Variants in RASSF7 observed in about 807,000 individuals in gnomAD.
RASSF7 encodes ras association domain-containing protein 7.
A neutral mutation model predicts 33.8 loss-of-function variants in RASSF7; 41 were observed. That is an observed-to-expected ratio of 1.21 (90% CI 0.95 to 1.57). The LOEUF (loss-of-function observed/expected upper bound fraction) is 1.57. RASSF7 is among the 40% of genes most tolerant of loss of function. RASSF7 has a pLI of 0.00. For missense variants in RASSF7, 622 were observed against 497.0 expected (o/e 1.25, Z -2.39); for synonymous variants, 298 against 212.8 (o/e 1.40, Z -3.48).
rs1194305940 is a variant in RASSF7 at position 560,973 on chromosome 11, G to A, written c.-512G>A. On this transcript the variant is annotated 5_prime_UTR_variant, in exon 1 of 6. Transcript: ENST00000397583. ...GGGCGCGGGGCCCGGGTGCGCCGCG[G>A]CGCTGGGGGCGGCAGGTTGCGGCGG... The A allele has an allele frequency of 4.1e-5, 45 of 1,099,638 alleles. No homozygotes were observed. Among genetic ancestry groups the A allele is most frequent in the Admixed American group, 5.2e-5 (1 of 19,358 alleles). The allele number at this position is 1,099,638 out of a possible 1,614,324, so 68.1% of individuals were successfully genotyped here.
chr11:562,143 A>G lies in RASSF7; in HGVS notation c.189A>G (p.Gln63=), dbSNP rs1853355049. ...LREKERQLLP[Q]ECPVGAQATC... ...AGAAGGAGCGGCAGTTGCTGCCACAAGAGTGTCCAGTGGGCGCCCAGGCCA... is the reference window on the plus strand; with the variant it reads ...AGAAGGAGCGGCAGTTGCTGCCACAGGAGTGTCCAGTGGGCGCCCAGGCCA... The change falls in exon 3 of 6, where the codon CAA becomes CAG. Residue 63 remains glutamine, a synonymous_variant. Coordinates refer to ENST00000397583, the MANE Select transcript of RASSF7 (RefSeq NM_003475.4). 3 of 1,555,548 alleles carry G rather than the reference A, an allele frequency of 1.9e-6. No homozygotes were observed. Among genetic ancestry groups the G allele is most frequent in the Admixed American group, 1.9e-5 (1 of 52,970 alleles).
In RASSF7 at chr11:563,771, G is replaced by A. The variant is rs1410789307; in HGVS notation, c.*126G>A. 3 of 902,734 alleles carry A rather than the reference G, an allele frequency of 3.3e-6. No homozygotes were observed. In the African/African-American group the frequency reaches 5.0e-5, roughly 15 times the overall value. The allele number at this position is 902,734 out of a possible 1,614,324, so 55.9% of individuals were successfully genotyped here. ...GGCCTCAGGAGCTGGGGGTGCAGTGGGGGACTGCCCTAGTCCTTGCCAGGT... is the reference window on the plus strand; with the variant it reads ...GGCCTCAGGAGCTGGGGGTGCAGTGAGGGACTGCCCTAGTCCTTGCCAGGT... On this transcript the variant is annotated 3_prime_UTR_variant, in exon 6 of 6. Coordinates refer to ENST00000397583, the MANE Select transcript of RASSF7 (RefSeq NM_003475.4).
Position 563,703 on chromosome 11 carries a change from T to C in RASSF7, c.*58T>C, listed in dbSNP as rs897363633. On this transcript the variant is annotated 3_prime_UTR_variant, in exon 6 of 6. Coordinates refer to ENST00000397583, the MANE Select transcript of RASSF7 (RefSeq NM_003475.4). ...CGGACCACAGAAGGAGAGTTGGCGG[T>C]CACAGAGGGCTCCTCTGCCAGGCAG... The C allele has an allele frequency of 2.3e-5, 34 of 1,469,724 alleles. No individual in the cohort carries two copies. The highest frequency in any genetic ancestry group is 2.9e-5 in the Non-Finnish European group (31 of 1,083,202). The allele number at this position is 1,469,724 out of a possible 1,614,324, so 91.0% of individuals were successfully genotyped here.
chr11:563,439 CCTCT>C lies in RASSF7; in HGVS notation c.996_999del (p.Glu334ProfsTer21), dbSNP rs758751905. On this transcript the variant is annotated frameshift_variant, in exon 5 of 6. Transcript: ENST00000397583. LOFTEE classifies it high-confidence loss of function. ...AGAGAGGAGTCCCTCCTGGGCGCTC[CCTCT>C]GAGTCCCATGCTGGTGCCCAGCCTA... 70 of 1,611,648 alleles carry C rather than the reference CCTCT, an allele frequency of 4.3e-5. No homozygotes were observed. Among genetic ancestry groups the C allele is most frequent in the Non-Finnish European group, 5.8e-5 (68 of 1,179,570 alleles).
rs1853445068 is a variant in RASSF7 at position 563,674 on chromosome 11, T to G, written c.*29T>G. ...CCTAGTGAGGGCTGCAAGACCATCC[T>G]GCCCGGACCACAGAAGGAGAGTTGG... On this transcript the variant is annotated 3_prime_UTR_variant, in exon 6 of 6. Transcript: ENST00000397583. The G allele has an allele frequency of 1.9e-6, 3 of 1,571,786 alleles. No individual in the cohort carries two copies. In the East Asian group the frequency reaches 6.8e-5, roughly 36 times the overall value.
chr11:561,202 T>TG lies in RASSF7; in HGVS notation c.-279dup. ...GGGGACGCCCTGGCTCCCGCCAGGC[T>TG]GGGGTCGCGGCGCGGGCTTCGGTGC... On this transcript the variant is annotated 5_prime_UTR_variant, in exon 1 of 6. It removes the in-frame stop codon of an upstream open reading frame in the 5' UTR. Coordinates refer to ENST00000397583, the MANE Select transcript of RASSF7 (RefSeq NM_003475.4). The TG allele has an allele frequency of 1.0e-6, 1 of 984,702 alleles. No homozygotes were observed. The highest frequency in any genetic ancestry group is 1.8e-5 in the African/African-American group (1 of 57,140). The allele number at this position is 984,702 out of a possible 1,614,324, so 61.0% of individuals were successfully genotyped here.
intron 2 of RASSF7, 84 bp from the exon 3 acceptor site, chr11:561,995 A>T (rs1853345225): frequency 6.5e-7 from 1 of 1,545,620 alleles, no homozygotes; most frequent in Admixed American, 1.9e-5. Flanking sequence ...CTGGTTGCTG[A>T]TCCTTTTTGT....
Position 561,193 on chromosome 11 carries a change from C to T in RASSF7, c.-292C>T, listed in dbSNP as rs1219368226. The T allele has an allele frequency of 4.1e-6, 4 of 984,952 alleles. No homozygotes were observed. In the South Asian group the frequency reaches 1.4e-4, roughly 35 times the overall value. The allele number at this position is 984,952 out of a possible 1,614,324, so 61.0% of individuals were successfully genotyped here. On this transcript the variant is annotated 5_prime_UTR_variant, in exon 1 of 6. Coordinates refer to ENST00000397583, the MANE Select transcript of RASSF7 (RefSeq NM_003475.4). ...CTGCGGAACGGGGACGCCCTGGCTC[C>T]CGCCAGGCTGGGGTCGCGGCGCGGG...
chr11:563,205 T>TA lies in RASSF7; in HGVS notation c.839_840insA (p.Glu281GlyfsTer30). On this transcript the variant is annotated frameshift_variant, in exon 4 of 6. Transcript: ENST00000397583. LOFTEE classifies it high-confidence loss of function. ...TGTCCCCAGGCTCAGGCTCAGGAGC[T>TA]GGAGGAGCTGAACCGAGAGCTCCGT... The TA allele has an allele frequency of 6.3e-7, 1 of 1,586,222 alleles. No individual in the cohort carries two copies. The highest frequency in any genetic ancestry group is 8.6e-7 in the Non-Finnish European group (1 of 1,162,282).
rs1190828065 is a variant in RASSF7, at chr11:561,419, G to A, written c.-66G>A. Reference sequence around the variant, plus strand: ...GGCGTTCCCATGCCGGCGGCCGCGGGGCCTGGCGTGCGGGCGCCTCCGCGC... The same window carrying A: ...GGCGTTCCCATGCCGGCGGCCGCGGAGCCTGGCGTGCGGGCGCCTCCGCGC... On this transcript the variant is annotated 5_prime_UTR_variant, in exon 1 of 6. Coordinates refer to ENST00000397583, the MANE Select transcript of RASSF7 (RefSeq NM_003475.4). 8.1e-5 allele frequency: 93 copies of A among 1,142,740 alleles called. No individual in the cohort carries two copies. Among genetic ancestry groups the A allele is most frequent in the Non-Finnish European group, 9.6e-5 (89 of 926,004 alleles). 70.8% of individuals were successfully genotyped at this position (1,142,740 alleles called of 1,614,324 possible).
chr11:561,356 A>G lies in RASSF7; in HGVS notation c.-129A>G. Reference sequence around the variant, plus strand: ...CTGCAGGGTCGAGGTCTGGGTTGCGACCCCGAGCGCCTCTGCGGCCTGAGC... The same window carrying G: ...CTGCAGGGTCGAGGTCTGGGTTGCGGCCCCGAGCGCCTCTGCGGCCTGAGC... On this transcript the variant is annotated 5_prime_UTR_variant, in exon 1 of 6. Coordinates refer to ENST00000397583, the MANE Select transcript of RASSF7 (RefSeq NM_003475.4). The G allele has an allele frequency of 9.8e-7, 1 of 1,025,184 alleles. No individual in the cohort carries two copies. Among genetic ancestry groups the G allele is most frequent in the Non-Finnish European group, 1.2e-6 (1 of 856,864 alleles). The allele number at this position is 1,025,184 out of a possible 1,614,324, so 63.5% of individuals were successfully genotyped here. A position where few individuals can be genotyped will look rare whatever the true frequency, so the allele number is the denominator to read the frequency against.
At position 563,839 on chromosome 11, in the gene RASSF7, C is replaced by A; in HGVS notation, c.*194C>A. ...AGCATGGGGCGTAGCCAGCTCGGAA[C>A]TTGCCAGGCCCCAAAGGCCACGACT... On this transcript the variant is annotated 3_prime_UTR_variant, in exon 6 of 6. Transcript: ENST00000397583. 1.6e-6 allele frequency: 1 copy of A among 606,080 alleles called. No homozygotes were observed. The highest frequency in any genetic ancestry group is 2.8e-5 in the East Asian group (1 of 35,986). The allele number at this position is 606,080 out of a possible 1,614,324, so 37.5% of individuals were successfully genotyped here. A position where few individuals can be genotyped will look rare whatever the true frequency, so the allele number is the denominator to read the frequency against.
At position 561,451 on chromosome 11, in the gene RASSF7, G is replaced by A. The variant is rs1853296596; in HGVS notation, c.-34G>A. 1 of 1,189,546 alleles carries A rather than the reference G, an allele frequency of 8.4e-7. No individual in the cohort carries two copies. The highest frequency in any genetic ancestry group is 4.5e-5 in the East Asian group (1 of 22,250). 73.7% of individuals were successfully genotyped at this position (1,189,546 alleles called of 1,614,324 possible). A position where few individuals can be genotyped will look rare whatever the true frequency, so the allele number is the denominator to read the frequency against. On this transcript the variant is annotated 5_prime_UTR_variant, in exon 1 of 6. Transcript: ENST00000397583. The stretch of plus-strand genomic sequence containing the variant: ...CGTGCGGGCGCCTCCGCGCCGCCCG[G>A]GGAGGGGGCAGTGTCCTCCGAGCCA...
rs1401148025 is a variant in RASSF7 at position 563,659 on chromosome 11, G to A, written c.*14G>A. The A allele has an allele frequency of 1.3e-6, 2 of 1,599,596 alleles. No individual in the cohort carries two copies. Among genetic ancestry groups the A allele is most frequent in the African/African-American group, 2.7e-5 (2 of 74,794 alleles). On this transcript the variant is annotated 3_prime_UTR_variant, in exon 6 of 6. Transcript: ENST00000397583. ...CAGGCTCTGTGACAGCCTAGTGAGGGCTGCAAGACCATCCTGCCCGGACCA... is the reference window on the plus strand; with the variant it reads ...CAGGCTCTGTGACAGCCTAGTGAGGACTGCAAGACCATCCTGCCCGGACCA...
Position 562,776 on chromosome 11 carries a change from G to T in RASSF7, c.822G>T (p.Gln274His). ...TGGAGGCAGCAGAGCGAGCCTTGCA[G>T]GTGAGCCCGGGGACCTGATCCCCTG... Reference protein sequence around the residue: ...RALEAAERALQAQAQELEELN... With the variant: ...RALEAAERALHAQAQELEELN... Residue 274 changes from glutamine to histidine, a missense_variant and splice_region_variant, in exon 3 of 6, where the codon CAG becomes CAT. By Grantham distance (24) the Gln-to-His change is conservative. Transcript: ENST00000397583. 1 of 1,487,436 alleles carries T rather than the reference G, an allele frequency of 6.7e-7. No homozygotes were observed. Among genetic ancestry groups the T allele is most frequent in the South Asian group, 1.3e-5 (1 of 76,842 alleles). 92.1% of individuals were successfully genotyped at this position (1,487,436 alleles called of 1,614,324 possible).
rs771302601 is a variant in RASSF7 at position 562,307 on chromosome 11, C to T, written c.353C>T (p.Ala118Val). The T allele has an allele frequency of 8.7e-6, 14 of 1,612,132 alleles. No homozygotes were observed. The Middle Eastern group carries it at 6.6e-4, about 76-fold the overall frequency. ...GCCAGCCTCCCTGTAAAGCCACGGG[C>T]TGCGCTGGGCTGTGAGCCCCGCAAA... ...IRASLPVKPRAALGCEPRKTL... is the reference protein window; with the variant it reads ...IRASLPVKPRVALGCEPRKTL... The change falls in exon 3 of 6, where the codon GCT becomes GTT. Residue 118 changes from alanine to valine, a missense_variant. Transcript: ENST00000397583.
intron 1 of RASSF7, 117 bp from the exon 2 acceptor site, chr11:561,645 G>C: frequency 6.7e-7 from 1 of 1,488,206 alleles, no homozygotes; most frequent in South Asian, 1.3e-5. Context: ...GGTGGGGCCC[G>C]TGCGGAGGGG....
chr11:563,434 C>T lies in RASSF7; in HGVS notation c.990C>T (p.Gly330=), dbSNP rs773922575. The T allele has an allele frequency of 6.6e-5, 107 of 1,611,710 alleles. No homozygotes were observed. Among genetic ancestry groups the T allele is most frequent in the Admixed American group, 1.2e-4 (7 of 59,928 alleles). Residue 330 remains glycine (G), a synonymous_variant, in exon 5 of 6, where the codon GGC becomes GGT. Transcript: ENST00000397583. ...CAGCCAGAGAGGAGTCCCTCCTGGG[C>T]GCTCCCTCTGAGTCCCATGCTGGTG... The part of the protein sequence containing the change: ...LPPAREESLL[G]APSESHAGAQ...
rs1473991241 is a variant in RASSF7 at position 563,636 on chromosome 11, G to A, written c.1113G>A (p.Gln371=). 1.2e-6 allele frequency: 2 copies of A among 1,610,064 alleles called. No homozygotes were observed. Among genetic ancestry groups the A allele is most frequent in the Non-Finnish European group, 8.5e-7 (1 of 1,179,660 alleles). Residue 371 remains glutamine (Q), a synonymous_variant, in exon 6 of 6, where the codon CAG becomes CAA. Coordinates refer to ENST00000397583, the MANE Select transcript of RASSF7 (RefSeq NM_003475.4). ...PEWCPLAAQP[Q]AL is the part of the protein sequence containing the mutation. ...GGTGTCCTCTGGCAGCCCAGCCCCA[G>A]GCTCTGTGACAGCCTAGTGAGGGCT...
Sources: gnomAD v4.1 joint callset for allele counts on GRCh38, gnomAD v4.1.1 for gene constraint, MANE v1.5 for transcripts, NCBI Gene and HGNC (gene_info 2026-07-23, HGNC 2026-07-21) for gene names.